TBC1D5: variants seen among roughly 807,000 people sequenced by gnomAD.
TBC1D5 encodes TBC1 domain family, member 5.
In TBC1D5, 75 loss-of-function variants were observed where a neutral mutation model predicts 100.3. That is an observed-to-expected ratio of 0.75 (90% CI 0.62 to 0.91). The LOEUF (loss-of-function observed/expected upper bound fraction) is 0.91, where lower values mean the gene tolerates loss of function less well. Ranked by LOEUF, TBC1D5 falls within the 40% of genes least tolerant of loss-of-function variation. TBC1D5 has a pLI of 0.00. For synonymous variants in TBC1D5, 323 were observed against 325.6 expected (o/e 0.99, Z 0.09); for missense variants, 910 against 942.4 (o/e 0.97, Z 0.45).
intron 15 of TBC1D5, among the ~76,000 whole-genome samples, chr3:17,282,437 G>A (rs1285331727): frequency 6.6e-6 from 1 of 152,302 alleles, no homozygotes; most frequent in East Asian, 1.9e-4. Flanking sequence ...AAATGGAGGA[G>A]ATTGGTTTGT....
intron 13 of TBC1D5, 93 bp downstream of exon 13, chr3:17,371,982 A>G (rs1455014689): frequency 4.0e-6 from 5 of 1,245,024 alleles, no homozygotes; most frequent in South Asian, 2.1e-5. Flanking sequence ...GTTTGCAGTA[A>G]GCCAAGATCA....
At chr3:17,279,746 A>T (rs1415573721) in intron 15 of TBC1D5, among the ~76,000 whole-genome samples, 1 of 152,208 alleles carries the variant, frequency 6.6e-6, no homozygotes, top group Non-Finnish European at 1.5e-5. Context: ...TTTGGAATAG[A>T]ACAAATACAG....
At chr3:17,426,167 T>C (rs1027501016) in intron 4 of TBC1D5, among the ~76,000 whole-genome samples, 3 of 152,158 alleles carry the variant, frequency 2.0e-5, no homozygotes, top group Non-Finnish European at 2.9e-5. Context: ...TAATAACCTA[T>C]GTCTAGTTAG....
intron 3 of TBC1D5, among the ~76,000 whole-genome samples, chr3:17,453,201 C>T (rs1432593403): frequency 6.6e-6 from 1 of 150,982 alleles, no homozygotes; most frequent in Admixed American, 6.6e-5. Context: ...TAAGTGCCTA[C>T]ATCAAAAAAG....
chr3:17,441,582 TAAG>T (rs2094657744), intron 3 of TBC1D5, among the ~76,000 whole-genome samples: 1 of 151,880 alleles, frequency 6.6e-6, no homozygotes, highest in African/African-American at 2.4e-5. Flanking sequence ...GAGATGAGGA[TAAG>T]AATACAGGAT....
At chr3:17,653,283 T>C (rs748873854) in intron 1 of TBC1D5, among the ~76,000 whole-genome samples, 18 of 152,148 alleles carry the variant, frequency 1.2e-4, no homozygotes, top group Non-Finnish European at 8.8e-5. Flanking sequence ...GTTATATGAA[T>C]TTTATGTTAT....
chr3:17,249,964 A>C (rs973016516), intron 16 of TBC1D5, among the ~76,000 whole-genome samples: 1 of 152,262 alleles, frequency 6.6e-6, no homozygotes, highest in Non-Finnish European at 1.5e-5. Context: ...CATATGAAAT[A>C]GTGCTAGAAT....
chr3:17,476,399 A>G (rs921611797), intron 3 of TBC1D5, among the ~76,000 whole-genome samples: 2 of 151,982 alleles, frequency 1.3e-5, no homozygotes, highest in African/African-American at 4.8e-5. Flanking sequence ...TGAAGATGCC[A>G]TTCTTTCACC....
chr3:17,386,955 A>G (rs538251844), intron 8 of TBC1D5, among the ~76,000 whole-genome samples: 2 of 152,126 alleles, frequency 1.3e-5, no homozygotes, highest in African/African-American at 2.4e-5. Flanking sequence ...GCAAATACCA[A>G]ATCAACTGAA....
chr3:17,343,259 T>C (rs574683356), intron 13 of TBC1D5, among the ~76,000 whole-genome samples: 1 of 152,238 alleles, frequency 6.6e-6, no homozygotes, highest in African/African-American at 2.4e-5. Context: ...GTTTATATGC[T>C]GTATTACATT....
At chr3:17,541,831 T>C (rs1267578541) in intron 2 of TBC1D5, among the ~76,000 whole-genome samples, 2 of 152,228 alleles carry the variant, frequency 1.3e-5, no homozygotes, top group Non-Finnish European at 2.9e-5. Flanking sequence ...CTTTCACATA[T>C]AGTAGTCCTC....
At chr3:17,284,503 A>AT (rs1045541220) in intron 15 of TBC1D5, among the ~76,000 whole-genome samples, 3 of 151,922 alleles carry the variant, frequency 2.0e-5, no homozygotes, top group East Asian at 1.9e-4. Context: ...AGCCATATGT[A>AT]TTTTTTTTAT....
chr3:17,500,402 C>T (rs959177559), intron 3 of TBC1D5, among the ~76,000 whole-genome samples: 2 of 149,112 alleles, frequency 1.3e-5, no homozygotes, highest in African/African-American at 2.6e-5. Flanking sequence ...AACATTAAAG[C>T]GTAAGAATAT....
chr3:17,688,545 T>C (rs571232818), intron 1 of TBC1D5, among the ~76,000 whole-genome samples: 11 of 152,334 alleles, frequency 7.2e-5, no homozygotes, highest in African/African-American at 2.6e-4. Context: ...ATTTAAACAA[T>C]GGCATGGAGC....
chr3:17,199,855 G>A (rs562859546), intron 18 of TBC1D5, among the ~76,000 whole-genome samples: 1 of 152,300 alleles, frequency 6.6e-6, no homozygotes, highest in African/African-American at 2.4e-5. Context: ...TATTTAATGA[G>A]ATCAGGCCAT....
At chr3:17,247,791 G>A (rs540520651) in intron 16 of TBC1D5, among the ~76,000 whole-genome samples, 1 of 152,216 alleles carries the variant, frequency 6.6e-6, no homozygotes, top group South Asian at 2.1e-4. Flanking sequence ...ATGCTTTGCT[G>A]TCATTTCAAT....
chr3:17,363,849 T>C (rs1431167861), intron 13 of TBC1D5, among the ~76,000 whole-genome samples: 1 of 151,966 alleles, frequency 6.6e-6, no homozygotes, highest in Non-Finnish European at 1.5e-5. Flanking sequence ...GGACTCTATA[T>C]ATAAAAAATA....
intron 1 of TBC1D5, among the ~76,000 whole-genome samples, chr3:17,665,570 G>A (rs534913699): frequency 5.3e-5 from 8 of 152,196 alleles, no homozygotes; most frequent in Admixed American, 1.3e-4. Context: ...TATTCTATCC[G>A]TCTGCTAATT....
chr3:17,556,941 A>C (rs550844208), intron 2 of TBC1D5, among the ~76,000 whole-genome samples: 1 of 152,240 alleles, frequency 6.6e-6, no homozygotes, highest in East Asian at 1.9e-4. Context: ...ACACACATGT[A>C]GGAAAAGTCA....
Sources: allele counts gnomAD v4.1 joint callset (sites outside exome capture counted in the v4.1 genomes callset), GRCh38; gene constraint gnomAD v4.1.1; transcripts MANE v1.5; gene names NCBI Gene and HGNC (gene_info 2026-07-23, HGNC 2026-07-21).